The following LONP2 variants were observed in gnomAD, a reference collection of about 807,000 sequenced individuals.
LONP2 encodes lon protease homolog 2, peroxisomal.
Under a neutral mutation model 85.6 loss-of-function variants are expected in LONP2, and 60 were observed. The ratio of observed to expected loss-of-function variants is 0.70; its 90% CI spans 0.57 to 0.87. LONP2 has a LOEUF of 0.87. LONP2 is among the 40% of genes least tolerant of loss of function. LONP2 has a pLI of 0.00. For missense variants in LONP2, 860 were observed against 1,063.5 expected, an observed-to-expected ratio of 0.81 and a Z score of 2.66; for synonymous variants, 395 against 389.7, an observed-to-expected ratio of 1.01 and a Z score of -0.16.
intron 6 of LONP2, among the ~76,000 whole-genome samples, chr16:48,268,284 G>A (rs1245007501): frequency 6.6e-6 from 1 of 151,996 alleles, no homozygotes; most frequent in Non-Finnish European, 1.5e-5. Context: ...TCTTTACTTG[G>A]CATATTTCTT....
In LONP2 at chr16:48,261,480, T is replaced by A. The variant is rs1323305657; in HGVS notation, c.780T>A (p.Asp260Glu). ...RITHISGTLE[D>E]EDEDEDNDDI... The stretch of plus-strand genomic sequence containing the variant: ...CACATATCTCAGGTACTTTAGAAGA[T>A]GAAGATGAAGATGAAGATAATGATG... The change falls in exon 5 of 15, where the codon GAT becomes GAA. Residue 260 changes from aspartate (D) to glutamate (E), a missense_variant. Asp to Glu is a conservative substitution (Grantham distance 45). Transcript: ENST00000285737. 1 of 1,607,308 alleles carries A rather than the reference T, an allele frequency of 6.2e-7. No homozygotes were observed. Among genetic ancestry groups the A allele is most frequent in the Non-Finnish European group, 8.5e-7 (1 of 1,175,920 alleles).
chr16:48,291,864 T>C (rs1972563427), intron 8 of LONP2, among the ~76,000 whole-genome samples: 1 of 152,246 alleles, frequency 6.6e-6, no homozygotes, highest in African/African-American at 2.4e-5. Context: ...AAATTCTATA[T>C]GTCTTTTTAT....
intron 11 of LONP2, among the ~76,000 whole-genome samples, chr16:48,327,682 T>C (rs1959287681): frequency 6.6e-6 from 1 of 152,158 alleles, no homozygotes. Flanking sequence ...GGTCTCGAAC[T>C]CCTCACCTCA....
At chr16:48,259,850 TGG>T (rs540358350) in intron 4 of LONP2, among the ~76,000 whole-genome samples, 124 of 152,316 alleles carry the variant, frequency 8.1e-4, no homozygotes, top group African/African-American at 2.8e-3. Flanking sequence ...ACAAATCCAC[TGG>T]GAGTTGCAGA....
In LONP2 at chr16:48,299,762, G is replaced by C; in HGVS notation, c.1635G>C (p.Gln545His). 1 of 1,613,548 alleles carries C rather than the reference G, an allele frequency of 6.2e-7. No individual in the cohort carries two copies. The highest frequency in any genetic ancestry group is 1.3e-5 in the African/African-American group (1 of 74,988). ...GLTPQQIQIP[Q>H]VTTLDIITRY... Reference sequence around the variant, plus strand: ...CTCCACAGCAGATTCAGATACCCCAGGTCACCACTCTTGACATCATCACCA... The same window carrying C: ...CTCCACAGCAGATTCAGATACCCCACGTCACCACTCTTGACATCATCACCA... The change falls in exon 10 of 15, where the codon CAG becomes CAC. Residue 545 changes from glutamine to histidine, a missense_variant. Physicochemically the swap from Gln to His is conservative, Grantham distance 24. Around this residue, in one of 3 missense-constraint regions of LONP2, gnomAD observed 743 missense variants for 917.3 expected, o/e 0.81. Coordinates refer to ENST00000285737, the MANE Select transcript of LONP2 (RefSeq NM_031490.5).
At chr16:48,292,982 T>C (rs1972586834) in intron 8 of LONP2, among the ~76,000 whole-genome samples, 2 of 152,240 alleles carry the variant, frequency 1.3e-5, no homozygotes, top group African/African-American at 4.8e-5. Flanking sequence ...TCCTTCATAA[T>C]TCAGAAACAT....
intron 14 of LONP2, among the ~76,000 whole-genome samples, chr16:48,349,464 G>A (rs1194228556): frequency 6.6e-6 from 1 of 152,066 alleles, no homozygotes; most frequent in Admixed American, 6.6e-5. Flanking sequence ...AACCTCCATA[G>A]AACAAATGGG....
chr16:48,296,248 A>T (rs139898839), intron 9 of LONP2, 83 bp downstream of exon 9: 1 of 1,423,410 alleles, frequency 7.0e-7, no homozygotes, highest in African/African-American at 1.4e-5. Flanking sequence ...AGTTTTGACT[A>T]AAAGAAGTTC....
intron 11 of LONP2, among the ~76,000 whole-genome samples, chr16:48,324,599 T>C (rs1973331622): frequency 6.6e-6 from 1 of 152,224 alleles, no homozygotes; most frequent in South Asian, 2.1e-4. Flanking sequence ...CTTTGGCAGA[T>C]TAATAAGTAT....
chr16:48,297,188 A>C (rs1972691345), intron 9 of LONP2, among the ~76,000 whole-genome samples: 1 of 152,250 alleles, frequency 6.6e-6, no homozygotes. Context: ...TTGTATTTTT[A>C]GTAGAGACCA....
intron 5 of LONP2, 140 bp downstream of exon 5, chr16:48,261,727 A>T: frequency 3.6e-6 from 2 of 556,498 alleles, no homozygotes; most frequent in Non-Finnish European, 5.9e-6. Context: ...AGGCAATATA[A>T]CTCTTGCAGC....
downstream of LONP2, among the ~76,000 whole-genome samples, chr16:48,360,223 C>CTTAG (rs1960527342): frequency 6.6e-6 from 1 of 152,204 alleles, no homozygotes; most frequent in Admixed American, 6.5e-5. Flanking sequence ...AACCAAGGCT[C>CTTAG]TTAGCCACTA....
chr16:48,280,737 C>G (rs754883000), intron 8 of LONP2, among the ~76,000 whole-genome samples: 4 of 152,170 alleles, frequency 2.6e-5, no homozygotes, highest in Non-Finnish European at 4.4e-5. Flanking sequence ...AACTGAGTAT[C>G]TTGGTAGCTG....
intron 1 of LONP2, among the ~76,000 whole-genome samples, chr16:48,249,567 G>A (rs1326885629): frequency 6.6e-6 from 1 of 152,104 alleles, no homozygotes; most frequent in Non-Finnish European, 1.5e-5. Flanking sequence ...TTTCATAGAT[G>A]TTTTTCTTTA....
intron 11 of LONP2, among the ~76,000 whole-genome samples, chr16:48,312,249 A>G (rs1266161048): frequency 1.3e-5 from 2 of 152,014 alleles, no homozygotes; most frequent in Admixed American, 1.3e-4. Flanking sequence ...AGCCCCTGAT[A>G]GCTTCTCTAA....
At chr16:48,325,947 G>T (rs1274835078) in intron 11 of LONP2, among the ~76,000 whole-genome samples, 1 of 152,096 alleles carries the variant, frequency 6.6e-6, no homozygotes, top group Non-Finnish European at 1.5e-5. Flanking sequence ...CTTTAGGTTG[G>T]GACAAAAAGT....
intron 1 of LONP2, among the ~76,000 whole-genome samples, chr16:48,251,862 C>T (rs16946024): frequency 0.012 from 1,873 of 152,216 alleles, 40 homozygotes; most frequent in African/African-American, 0.043. Context: ...TACATTTTTA[C>T]GCTTGAATAA....
chr16:48,277,449 ACAGGGTGATCCAGCAGCAG>A lies in LONP2; in HGVS notation c.1355_1373del (p.Gln452LeufsTer19). 6.2e-7 allele frequency: 1 copy of A among 1,613,922 alleles called. No homozygotes were observed. Among genetic ancestry groups the A allele is most frequent in the East Asian group, 2.2e-5 (1 of 44,868 alleles). ...AGGTTGACAAACTGGGAAAAAGTCT[ACAGGGTGATCCAGCAGCAG>A]CTCTGCTTGAGGTAAGATTTGGAAA... On this transcript the variant is annotated frameshift_variant, in exon 8 of 15. Transcript: ENST00000285737. LOFTEE classifies it high-confidence loss of function.
Position 48,355,044 on chromosome 16 carries a change from T to C in LONP2, c.*3242T>C, listed in dbSNP as rs1960288722. ...CACTATATCCATAGACCGCATTTGG[T>C]TTATCCACTCATCTGCTGATTGTTT... On this transcript the variant is annotated 3_prime_UTR_variant, in exon 15 of 15. Coordinates refer to ENST00000285737, the MANE Select transcript of LONP2 (RefSeq NM_031490.5). 3 of 152,146 alleles carry C rather than the reference T, an allele frequency of 2.0e-5. No homozygotes were observed. The highest frequency in any genetic ancestry group is 2.0e-4 in the Admixed American group (3 of 15,274). 9.4% of individuals were successfully genotyped at this position (152,146 alleles called of 1,614,324 possible).
Sources: allele counts gnomAD v4.1 joint callset (sites outside exome capture counted in the v4.1 genomes callset), GRCh38; gene constraint gnomAD v4.1.1; regional missense constraint gnomAD v4.1.1; transcripts MANE v1.5; gene names NCBI Gene and HGNC (gene_info 2026-07-23, HGNC 2026-07-21).